The following SDK1 variants were observed in gnomAD, a reference collection of about 807,000 sequenced individuals.
SDK1 encodes the protein protein sidekick-1.
A neutral mutation model predicts 245.5 loss-of-function variants in SDK1; 157 were observed. The ratio of observed to expected loss-of-function variants is 0.64; its 90% CI spans 0.56 to 0.73. SDK1 has a LOEUF of 0.73. Among genes scored for constraint, SDK1 ranks in the 30% least tolerant of loss-of-function variants. The pLI is 0.00. For missense variants in SDK1, 3,583 were observed against 3,002.3 expected, an observed-to-expected ratio of 1.19 and a Z score of -4.52; for synonymous variants, 1,647 against 1,278.5, an observed-to-expected ratio of 1.29 and a Z score of -6.15.
chr7:3,794,178 G>A (rs1488930836), intron 4 of SDK1, among the ~76,000 whole-genome samples: 10 of 152,088 alleles, frequency 6.6e-5, no homozygotes, highest in Admixed American at 5.9e-4. Flanking sequence ...AAGGAGAACG[G>A]CGTGAATGTG....
intron 28 of SDK1, among the ~76,000 whole-genome samples, chr7:4,140,169 C>T (rs894552849): frequency 1.1e-4 from 17 of 152,172 alleles, no homozygotes; most frequent in African/African-American, 2.7e-4. Flanking sequence ...TCTGCCGCCC[C>T]GCTCCACCCC....
chr7:4,089,454 A>T (rs573029364), intron 22 of SDK1, among the ~76,000 whole-genome samples: 5 of 152,218 alleles, frequency 3.3e-5, no homozygotes, highest in Non-Finnish European at 5.9e-5. Flanking sequence ...AGATGTGCTC[A>T]GGCAGCCTGT....
chr7:3,958,022 C>A (rs530096431), intron 7 of SDK1: 1 of 470,786 alleles, frequency 2.1e-6, no homozygotes. Flanking sequence ...GTTTTCATTT[C>A]TCTTTTTCAT....
In SDK1 at chr7:4,059,903, G is replaced by A. The variant is rs10249140; in HGVS notation, c.2912-7935G>A. ...TTTCTTTTTTTTTTTTTTTTGAGAC[G>A]GAGTCTTGCTCTGTCGCCCAGGCTG... On this transcript the variant is annotated intron_variant, in intron 19 of 44. Transcript: ENST00000404826. 8.6e-3 allele frequency among the ~76,000 whole-genome samples: 1,264 copies of A among 147,834 alleles called. 20 individuals carry two copies. Among genetic ancestry groups the A allele is most frequent in the African/African-American group, 0.029 (1,151 of 40,172 alleles).
chr7:3,818,523 T>C (rs1283029992), intron 4 of SDK1, among the ~76,000 whole-genome samples: 1 of 152,228 alleles, frequency 6.6e-6, no homozygotes, highest in African/African-American at 2.4e-5. Flanking sequence ...TACACACATA[T>C]GTAGAAACAG....
chr7:3,534,548 C>CTTTTT (rs1032935759), intron 1 of SDK1, among the ~76,000 whole-genome samples: 1 of 151,202 alleles, frequency 6.6e-6, no homozygotes, highest in African/African-American at 2.4e-5. Flanking sequence ...CAGCACTTGT[C>CTTTTT]TTTTTTTTTG....
chr7:3,451,088 T>G (rs547999375), intron 1 of SDK1, among the ~76,000 whole-genome samples: 1 of 152,024 alleles, frequency 6.6e-6, no homozygotes, highest in African/African-American at 2.4e-5. Flanking sequence ...GAGAGGAGTT[T>G]ATAGGTTGGC....
chr7:3,801,376 T>A (rs754385056), intron 4 of SDK1, among the ~76,000 whole-genome samples: 12 of 152,326 alleles, frequency 7.9e-5, no homozygotes, highest in Admixed American at 7.8e-4. Flanking sequence ...AAAGCATGAA[T>A]TCCCTGTTTC....
At chr7:3,492,480 C>T (rs750236259) in intron 1 of SDK1, among the ~76,000 whole-genome samples, 5 of 152,150 alleles carry the variant, frequency 3.3e-5, no homozygotes, top group East Asian at 1.9e-4. Flanking sequence ...GGCGACAGAG[C>T]GAGACTCCGT....
chr7:3,794,802 C>T (rs866968907), intron 4 of SDK1, among the ~76,000 whole-genome samples: 2 of 152,280 alleles, frequency 1.3e-5, no homozygotes, highest in Non-Finnish European at 1.5e-5. Context: ...CCATGCTCTA[C>T]GTGGACATCA....
At chr7:3,472,356 G>A (rs750954094) in intron 1 of SDK1, among the ~76,000 whole-genome samples, 1 of 151,918 alleles carries the variant, frequency 6.6e-6, no homozygotes, top group South Asian at 2.1e-4. Context: ...TATATGCCCA[G>A]TATGCTATTA....
intron 26 of SDK1, chr7:4,129,625 G>C: frequency 7.8e-7 from 1 of 1,280,196 alleles, no homozygotes; most frequent in Non-Finnish European, 1.0e-6. Flanking sequence ...GGTTGGCATG[G>C]CTGCAGTTGG....
intron 1 of SDK1, among the ~76,000 whole-genome samples, chr7:3,345,716 C>G (rs1000223740): frequency 6.6e-6 from 1 of 152,170 alleles, no homozygotes; most frequent in Non-Finnish European, 1.5e-5. Context: ...GATGCCTTGC[C>G]GTCTCTTTCC....
At position 3,687,373 on chromosome 7, in the gene SDK1, C is replaced by A. The variant is rs185474241; in HGVS notation, c.713+45268C>A. 8.3e-4 allele frequency among the ~76,000 whole-genome samples: 126 copies of A among 152,200 alleles called. 1 individual carries two copies. Among genetic ancestry groups the A allele is most frequent in the African/African-American group, 3.0e-3 (124 of 41,538 alleles). On this transcript the variant is annotated intron_variant, in intron 4 of 44. Coordinates refer to ENST00000404826, the MANE Select transcript of SDK1 (RefSeq NM_152744.4). ...CCATCTCTTGACCTCATGATCCACC[C>A]GCCTCAGCCTCCCAAAGTGCTGGGA...
At chr7:3,631,918 A>G (rs1461023719) in intron 2 of SDK1, among the ~76,000 whole-genome samples, 8 of 152,180 alleles carry the variant, frequency 5.3e-5, no homozygotes, top group Admixed American at 4.6e-4. Context: ...TATGCTTATA[A>G]TGTTTAATAG....
At position 4,166,126 on chromosome 7, in the gene SDK1, A is replaced by G. The variant is rs182154380; in HGVS notation, c.4800+4270A>G. 1.1e-4 allele frequency among the ~76,000 whole-genome samples: 17 copies of G among 152,344 alleles called. No homozygotes were observed. In the East Asian group the frequency reaches 3.3e-3, roughly 29 times the overall value. On this transcript the variant is annotated intron_variant, in intron 32 of 44. Coordinates refer to ENST00000404826, the MANE Select transcript of SDK1 (RefSeq NM_152744.4). ...GAGACTGTTTTCTAGCAAAGAAAAA[A>G]ATCCCAAGCAATTGATCACACCATA...
intron 1 of SDK1, among the ~76,000 whole-genome samples, chr7:3,355,049 G>C (rs1447036917): frequency 6.6e-6 from 1 of 152,108 alleles, no homozygotes; most frequent in African/African-American, 2.4e-5. Flanking sequence ...AAATTGTGGT[G>C]GGAAATATCT....
intron 1 of SDK1, among the ~76,000 whole-genome samples, chr7:3,418,710 C>G (rs561182413): frequency 6.6e-6 from 1 of 152,198 alleles, no homozygotes; most frequent in African/African-American, 2.4e-5. Context: ...GCAGATACAT[C>G]GGCGATACTG....
intron 1 of SDK1, among the ~76,000 whole-genome samples, chr7:3,478,079 A>G (rs1298424412): frequency 6.6e-6 from 1 of 152,154 alleles, no homozygotes; most frequent in Non-Finnish European, 1.5e-5. Flanking sequence ...TTGTTCCACT[A>G]ATCTGTCTTT....
Sources: gnomAD v4.1 joint callset for allele counts (sites outside exome capture counted in the v4.1 genomes callset) on GRCh38, gnomAD v4.1.1 for gene constraint, MANE v1.5 for transcripts, NCBI Gene and HGNC (gene_info 2026-07-23, HGNC 2026-07-21) for gene names.